Variants in COMMD5 observed in about 807,000 individuals in gnomAD.
COMMD5 encodes the protein COMM domain containing 5, also known as COMM domain-containing protein 5.
A neutral mutation model predicts 6.9 loss-of-function variants in COMMD5; 10 were observed. The ratio of observed to expected loss-of-function variants is 1.44; its 90% CI spans 0.89 to 2.45. COMMD5 has a LOEUF of 2.45. COMMD5 is among the 30% of genes most tolerant of loss of function. COMMD5 has a pLI of 0.00. For synonymous variants in COMMD5, 127 were observed against 125.3 expected (o/e 1.01, Z -0.09); for missense variants, 234 against 287.8 (o/e 0.81, Z 1.35).
downstream of COMMD5, among the ~76,000 whole-genome samples, chr8:144,848,742 AC>A (rs1019471149): frequency 2.0e-5 from 3 of 151,354 alleles, no homozygotes; most frequent in Admixed American, 6.6e-5. Context: ...CCTGATTAAA[AC>A]CCCACTGCTC....
chr8:144,851,511 T>A (rs1830744877), intron 1 of COMMD5, 116 bp from the exon 2 acceptor site: 3 of 744,410 alleles, frequency 4.0e-6, no homozygotes, highest in Non-Finnish European at 6.4e-6. Context: ...CCAATGACAG[T>A]CAGTGCTGCG....
At chr8:144,838,189 C>T (rs528798733), downstream of COMMD5, 2 of 701,236 alleles carry the variant, frequency 2.9e-6, no homozygotes, top group African/African-American at 3.5e-5. Flanking sequence ...CACACGGCTG[C>T]CTTCTCCCTG....
At chr8:144,840,646 C>T (rs1618523), downstream of COMMD5, among the ~76,000 whole-genome samples, 53,866 of 151,814 alleles carry the variant, frequency 0.35, 9,657 homozygotes, top group South Asian at 0.46. Context: ...CCAGAAGGAA[C>T]GCAGATGTCT....
downstream of COMMD5, chr8:144,838,233 G>T (rs1829316837): frequency 4.4e-6 from 3 of 676,360 alleles, no homozygotes; most frequent in South Asian, 4.7e-5. Flanking sequence ...CTCCTTAGAA[G>T]GACACCAGTC....
At chr8:144,841,750 T>G (rs1181224051) in intron 1 of COMMD5, 1 of 1,614,108 alleles carries the variant, frequency 6.2e-7, no homozygotes, top group Admixed American at 1.7e-5. Flanking sequence ...CGCTCTGCAT[T>G]GGGAAATTAA....
downstream of COMMD5, among the ~76,000 whole-genome samples, chr8:144,848,800 G>A (rs1342732102): frequency 6.6e-6 from 1 of 152,162 alleles, no homozygotes; most frequent in African/African-American, 2.4e-5. Context: ...TGGCCTTGAG[G>A]CCAGCCGCTG....
downstream of COMMD5, among the ~76,000 whole-genome samples, chr8:144,845,742 G>A (rs1033354827): frequency 2.0e-5 from 3 of 152,118 alleles, no homozygotes; most frequent in African/African-American, 4.8e-5. Context: ...GGCTCCTCCC[G>A]GTGTACAAGG....
downstream of COMMD5, among the ~76,000 whole-genome samples, chr8:144,839,453 C>T (rs969851458): frequency 8.5e-5 from 13 of 152,218 alleles, no homozygotes; most frequent in Non-Finnish European, 1.0e-4. Flanking sequence ...AAAACCCAGC[C>T]GCCCATTAAA....
At chr8:144,848,961 C>G (rs926935689), downstream of COMMD5, among the ~76,000 whole-genome samples, 36 of 152,142 alleles carry the variant, frequency 2.4e-4, no homozygotes, top group African/African-American at 8.7e-4. Flanking sequence ...TGAGACAAGC[C>G]CAAGGGTTCA....
intron 1 of COMMD5, chr8:144,843,214 T>C (rs1362998482): frequency 4.0e-6 from 6 of 1,500,938 alleles, no homozygotes; most frequent in South Asian, 1.4e-5. Context: ...ACCTATAGCC[T>C]TAACTTACTT....
intron 1 of COMMD5, chr8:144,842,382 C>T (rs146102880): frequency 6.8e-6 from 11 of 1,613,938 alleles, no homozygotes; most frequent in Non-Finnish European, 8.5e-6. Context: ...TTAGGTGGAT[C>T]TCTCGCCTGA....
chr8:144,846,515 G>T (rs1207467229), downstream of COMMD5: 2 of 225,600 alleles, frequency 8.9e-6, no homozygotes, highest in African/African-American at 4.5e-5. Flanking sequence ...AAGTCACCTT[G>T]AACTTGGAAA....
intron 1 of COMMD5, chr8:144,843,747 C>T (rs1563849629): frequency 6.6e-6 from 1 of 152,170 alleles, no homozygotes; most frequent in African/African-American, 2.4e-5. Context: ...GGAAGCAGCA[C>T]AAGGAGGGCT....
chr8:144,842,899 G>C, intron 1 of COMMD5: 1 of 1,614,162 alleles, frequency 6.2e-7, no homozygotes, highest in Non-Finnish European at 8.5e-7. Context: ...ATATCTTATT[G>C]AACACCAGAG....
downstream of COMMD5, among the ~76,000 whole-genome samples, chr8:144,845,653 C>A (rs1341097434): frequency 6.6e-6 from 1 of 152,214 alleles, no homozygotes; most frequent in Non-Finnish European, 1.5e-5. Context: ...TGTAAGACCT[C>A]AACCCTGTCT....
rs1586861803 is a variant in COMMD5 at position 144,850,295 on chromosome 8, A to C, written c.*369T>G. 5.2e-6 allele frequency: 1 copy of C among 191,186 alleles called. No homozygotes were observed. The highest frequency in any genetic ancestry group is 1.3e-4 in the East Asian group (1 of 7,702). 11.8% of individuals were successfully genotyped at this position (191,186 alleles called of 1,614,324 possible). Reference sequence around the variant, plus strand: ...AGAGTGAAAATGCCCAACCTAAAACACAAGATCTACAAAAGCACCTGGCTA... The same window carrying C: ...AGAGTGAAAATGCCCAACCTAAAACCCAAGATCTACAAAAGCACCTGGCTA... On this transcript the variant is annotated 3_prime_UTR_variant, in exon 2 of 2. Transcript: ENST00000305103. This position sits in a 1 kb window ranked among gnomAD's most constrained non-coding sequence, Gnocchi z 4.0.
Position 144,851,155 on chromosome 8 carries a change from C to T in COMMD5, c.184G>A (p.Glu62Lys), listed in dbSNP as rs1320159591. The change falls in exon 2 of 2, where the codon GAG (glutamate) becomes AAG (lysine). Residue 62 changes from glutamate to lysine, a missense_variant. Physicochemically the swap from Glu to Lys is moderately conservative, Grantham distance 56 (BLOSUM62 1). Coordinates refer to ENST00000305103, the MANE Select transcript of COMMD5 (RefSeq NM_014066.4). ...CGCTGCACAGCCTCTCGGCAGTCCT[C>T]CCCCTGCAGGCTGCTGACCACAAAC... ...LKFVVSSLQG[E>K]DCREAVQRLG... 3.1e-6 allele frequency: 5 copies of T among 1,613,374 alleles called. No homozygotes were observed. The highest frequency in any genetic ancestry group is 2.2e-5 in the East Asian group (1 of 44,884).
chr8:144,838,113 GTT>G (rs1290058161), downstream of COMMD5: 2 of 703,012 alleles, frequency 2.8e-6, no homozygotes, highest in South Asian at 3.0e-5. Context: ...GCAGCTGGTG[GTT>G]TTCTGGCAGT....
rs2130774806 is a variant in COMMD5 at position 144,850,433 on chromosome 8, C to T, written c.*231G>A. The T allele has an allele frequency of 1.8e-6, 1 of 542,172 alleles. No homozygotes were observed. The highest frequency in any genetic ancestry group is 2.5e-5 in the South Asian group (1 of 40,578). The allele number at this position is 542,172 out of a possible 1,614,324, so 33.6% of individuals were successfully genotyped here. Reference sequence around the variant, plus strand: ...TACAGGGAAGGGGAGGGTGTGAGGTCCAACACTCACCTATAGAAACATGTT... The same window carrying T: ...TACAGGGAAGGGGAGGGTGTGAGGTTCAACACTCACCTATAGAAACATGTT... On this transcript the variant is annotated 3_prime_UTR_variant, in exon 2 of 2. Coordinates refer to ENST00000305103, the MANE Select transcript of COMMD5 (RefSeq NM_014066.4). The surrounding 1 kb of genome is among the most constrained non-coding windows in gnomAD (Gnocchi z 4.0).
Sources: gnomAD v4.1 joint callset for allele counts (sites outside exome capture counted in the v4.1 genomes callset) on GRCh38, gnomAD v4.1.1 for gene constraint, Gnocchi (gnomAD v3.1) non-coding constraint, MANE v1.5 for transcripts, NCBI Gene and HGNC (gene_info 2026-07-23, HGNC 2026-07-21) for gene names.